Variants in HS3ST4 observed in about 807,000 individuals in gnomAD.
The protein encoded by HS3ST4 is heparan sulfate-glucosamine 3-sulfotransferase 4.
In HS3ST4, 17 loss-of-function variants were observed where a neutral mutation model predicts 29.2. The observed-to-expected ratio is 0.58, with a 90% confidence interval of 0.40 to 0.87. HS3ST4 has a LOEUF of 0.87. Among genes scored for constraint, HS3ST4 ranks in the 40% least tolerant of loss-of-function variants. The pLI, the probability that HS3ST4 is intolerant of heterozygous loss-of-function variation, is 0.00. For synonymous variants in HS3ST4, 314 were observed against 285.7 expected (o/e 1.10, Z -1.00); for missense variants, 627 against 634.5 (o/e 0.99, Z 0.13).
intron 1 of HS3ST4, among the ~76,000 whole-genome samples, chr16:25,762,115 A>G (rs751607908): frequency 7.9e-5 from 12 of 152,194 alleles, no homozygotes; most frequent in Non-Finnish European, 1.6e-4. Context: ...CCATGAAGCC[A>G]TAAGAGGATG....
intron 1 of HS3ST4, among the ~76,000 whole-genome samples, chr16:26,102,960 C>A (rs966923900): frequency 6.6e-6 from 1 of 152,140 alleles, no homozygotes; most frequent in African/African-American, 2.4e-5. Flanking sequence ...GTGTAAACAA[C>A]CACTGTGCAG....
chr16:26,008,591 G>A (rs1350652687), intron 1 of HS3ST4, among the ~76,000 whole-genome samples: 2 of 152,196 alleles, frequency 1.3e-5, no homozygotes, highest in Non-Finnish European at 1.5e-5. Flanking sequence ...GGCCAAGGTA[G>A]GTGGATCACT....
At chr16:25,889,766 G>T (rs1361652568) in intron 1 of HS3ST4, among the ~76,000 whole-genome samples, 2 of 152,112 alleles carry the variant, frequency 1.3e-5, no homozygotes, top group Non-Finnish European at 2.9e-5. Flanking sequence ...ATCTTGAATT[G>T]TAATAATCCC....
chr16:25,729,724 G>A (rs982372743), intron 1 of HS3ST4, among the ~76,000 whole-genome samples: 1 of 152,064 alleles, frequency 6.6e-6, no homozygotes, highest in Non-Finnish European at 1.5e-5. Flanking sequence ...TGGGACCATC[G>A]AGTCTCACGT....
rs138866952 is a variant in HS3ST4, at chr16:25,986,191, G to A, written c.735-149421G>A. On this transcript the variant is annotated intron_variant, in intron 1 of 1. Coordinates refer to ENST00000331351, the MANE Select transcript of HS3ST4 (RefSeq NM_006040.3). ...TTATCTCTACCTAACAAAATGTATG[G>A]TATACTTATTCATTCTCTACCTTCT... 2.3e-3 allele frequency among the ~76,000 whole-genome samples: 349 copies of A among 152,120 alleles called. 2 individuals are homozygous for A. Among genetic ancestry groups the A allele is most frequent in the African/African-American group, 8.0e-3 (331 of 41,486 alleles).
chr16:25,714,481 A>G (rs1024520046), intron 1 of HS3ST4, among the ~76,000 whole-genome samples: 3 of 152,184 alleles, frequency 2.0e-5, no homozygotes, highest in Non-Finnish European at 4.4e-5. Context: ...TTTAATCCTC[A>G]CAAAGATCCT....
chr16:26,003,051 A>G lies in HS3ST4; in HGVS notation c.735-132561A>G, dbSNP rs1386924334. On this transcript the variant is annotated intron_variant, in intron 1 of 1. Transcript: ENST00000331351. ...TTGACACGCTTGGCAGGTTCCCATCAGTAATGTTGGGTAGACAAGAAATAG... is the reference window on the plus strand; with the variant it reads ...TTGACACGCTTGGCAGGTTCCCATCGGTAATGTTGGGTAGACAAGAAATAG... Among the ~76,000 whole-genome samples, 11 of 152,028 alleles carry G rather than the reference A, an allele frequency of 7.2e-5. No individual in the cohort carries two copies. In the South Asian group the frequency reaches 8.3e-4, roughly 11 times the overall value.
chr16:26,128,777 G>T (rs1373167587), intron 1 of HS3ST4, among the ~76,000 whole-genome samples: 1 of 152,160 alleles, frequency 6.6e-6, no homozygotes, highest in African/African-American at 2.4e-5. Context: ...ACTTAACTAG[G>T]ATAATACGTG....
At chr16:26,086,684 G>A (rs1898793393) in intron 1 of HS3ST4, among the ~76,000 whole-genome samples, 3 of 152,144 alleles carry the variant, frequency 2.0e-5, no homozygotes, top group African/African-American at 4.8e-5. Context: ...CTAGAACAAT[G>A]CCTATCACTT....
At chr16:25,764,469 G>A (rs568919778) in intron 1 of HS3ST4, among the ~76,000 whole-genome samples, 78 of 152,324 alleles carry the variant, frequency 5.1e-4, no homozygotes, top group East Asian at 1.9e-4. Flanking sequence ...GTGTGTACAT[G>A]TGTGTGTGCC....
At chr16:25,712,151 A>C (rs1035661727) in intron 1 of HS3ST4, among the ~76,000 whole-genome samples, 1 of 152,146 alleles carries the variant, frequency 6.6e-6, no homozygotes, top group African/African-American at 2.4e-5. Flanking sequence ...TAGACAAGAT[A>C]CTATTCTTCC....
intron 1 of HS3ST4, among the ~76,000 whole-genome samples, chr16:25,844,602 T>C (rs1214619241): frequency 6.6e-6 from 1 of 152,210 alleles, no homozygotes; most frequent in Non-Finnish European, 1.5e-5. Flanking sequence ...ACACTATTGG[T>C]AGAAATGTTA....
intron 1 of HS3ST4, among the ~76,000 whole-genome samples, chr16:25,999,432 T>C (rs931211099): frequency 2.0e-5 from 3 of 152,098 alleles, no homozygotes; most frequent in Non-Finnish European, 4.4e-5. Flanking sequence ...TTGCTCTTCT[T>C]TTCTTGATTA....
At chr16:25,967,545 G>T (rs117406959) in intron 1 of HS3ST4, among the ~76,000 whole-genome samples, 12,815 of 152,222 alleles carry the variant, frequency 0.084, 730 homozygotes, top group Non-Finnish European at 0.12. Flanking sequence ...TCTGCGAAAA[G>T]AATTTTTTAC....
At position 25,947,628 on chromosome 16, in the gene HS3ST4, T is replaced by A. The variant is rs1226726849; in HGVS notation, c.735-187984T>A. 1.3e-5 allele frequency among the ~76,000 whole-genome samples: 2 copies of A among 152,198 alleles called. 1 individual carries two copies. The highest frequency in any genetic ancestry group is 1.3e-4 in the Admixed American group (2 of 15,274). The stretch of plus-strand genomic sequence containing the variant: ...CCATTTATAGTCTCTGCTCATGTCA[T>A]CTTTGTCAGCATTTCATTGGCTAAA... On this transcript the variant is annotated intron_variant, in intron 1 of 1. Coordinates refer to ENST00000331351, the MANE Select transcript of HS3ST4 (RefSeq NM_006040.3).
chr16:25,729,786 A>G lies in HS3ST4; in HGVS notation c.734+36635A>G, dbSNP rs930358506. On this transcript the variant is annotated intron_variant, in intron 1 of 1. Transcript: ENST00000331351. The stretch of plus-strand genomic sequence containing the variant: ...AATACACAGAGGTAATTTCTTTCAA[A>G]TGATTTTTGCTTGAAGTGGTTTTCA... 5.9e-5 allele frequency among the ~76,000 whole-genome samples: 9 copies of G among 152,274 alleles called. 1 individual carries two copies. In the South Asian group the frequency reaches 1.0e-3, roughly 18 times the overall value.
At position 25,904,021 on chromosome 16, in the gene HS3ST4, A is replaced by G. The variant is rs117812641; in HGVS notation, c.734+210870A>G. Among the ~76,000 whole-genome samples the G allele has an allele frequency of 3.3e-5, 5 of 152,342 alleles. No individual in the cohort carries two copies. In the East Asian group the frequency reaches 7.7e-4, roughly 24 times the overall value. ...GGTGGATAAATGAATAAGTGAGTGAATACATGCATGGGTAGATTAGTGATG... is the reference window on the plus strand; with the variant it reads ...GGTGGATAAATGAATAAGTGAGTGAGTACATGCATGGGTAGATTAGTGATG... On this transcript the variant is annotated intron_variant, in intron 1 of 1. Coordinates refer to ENST00000331351, the MANE Select transcript of HS3ST4 (RefSeq NM_006040.3).
At chr16:26,006,936 G>A (rs1423178151) in intron 1 of HS3ST4, among the ~76,000 whole-genome samples, 1 of 152,206 alleles carries the variant, frequency 6.6e-6, no homozygotes, top group Non-Finnish European at 1.5e-5. Context: ...AAGTTAGCTT[G>A]GCCCAAGCCC....
At chr16:25,738,595 C>A (rs183980353) in intron 1 of HS3ST4, among the ~76,000 whole-genome samples, 2 of 152,222 alleles carry the variant, frequency 1.3e-5, no homozygotes, top group Admixed American at 1.3e-4. Flanking sequence ...CAGGACAGAC[C>A]CACACAAGAA....
Sources: gnomAD v4.1 joint callset for allele counts (sites outside exome capture counted in the v4.1 genomes callset) on GRCh38, gnomAD v4.1.1 for gene constraint, MANE v1.5 for transcripts, NCBI Gene and HGNC (gene_info 2026-07-23, HGNC 2026-07-21) for gene names.